PCDHA2: variants seen among roughly 807,000 people sequenced by gnomAD.
The protein encoded by PCDHA2 is protocadherin alpha 2.
PCDHA2 carries 58 observed loss-of-function variants against 66.0 expected under a neutral mutation model. The observed-to-expected ratio is 0.88, with a 90% CI of 0.71 to 1.09. The LOEUF (loss-of-function observed/expected upper bound fraction) is 1.09, where lower values mean the gene tolerates loss of function less well. PCDHA2 is among the 50% of genes least tolerant of loss of function. The pLI, the probability that PCDHA2 is intolerant of heterozygous loss-of-function variation, is 0.00. For missense variants in PCDHA2, 1,267 were observed against 1,242.3 expected (o/e 1.02, Z -0.30); for synonymous variants, 634 against 554.0 (o/e 1.14, Z -2.03).
intron 1 of PCDHA2, among the ~76,000 whole-genome samples, chr5:140,827,478 A>T (rs1477917338): frequency 6.6e-6 from 1 of 152,232 alleles, no homozygotes; most frequent in Non-Finnish European, 1.5e-5. Flanking sequence ...TTATTGAACA[A>T]AGAAAGCATG....
At position 140,877,488 on chromosome 5, in the gene PCDHA2, C is replaced by G. The variant is rs781785108; in HGVS notation, c.2388+80136C>G. ...CGGTGCTGGTGTCGCTGGTGGAGAA[C>G]GGCCAGGCCCCAAAGACGTCGTCGC... On this transcript the variant is annotated intron_variant, in intron 1 of 3. Transcript: ENST00000526136. 6.2e-6 allele frequency: 10 copies of G among 1,613,856 alleles called. No homozygotes were observed. In the South Asian group the frequency reaches 1.1e-4, roughly 18 times the overall value.
intron 1 of PCDHA2, chr5:140,929,048 G>A (rs782818540): frequency 1.9e-5 from 31 of 1,614,088 alleles, no homozygotes; most frequent in Middle Eastern, 1.6e-4. Flanking sequence ...CAGAGCTGCT[G>A]TCGCTCTACA....
At chr5:140,925,072 G>C (rs921580794) in intron 1 of PCDHA2, among the ~76,000 whole-genome samples, 1 of 149,184 alleles carries the variant, frequency 6.7e-6, no homozygotes, top group Non-Finnish European at 1.5e-5. Context: ...AAAGCAACAC[G>C]CTCATCTGGA....
chr5:140,840,441 T>C (rs1163219857), intron 1 of PCDHA2, among the ~76,000 whole-genome samples: 1 of 151,848 alleles, frequency 6.6e-6, no homozygotes, highest in Non-Finnish European at 1.5e-5. Context: ...GCCGTGGAAA[T>C]AGAAACGTTA....
At chr5:140,887,029 T>C (rs1308343052) in intron 1 of PCDHA2, among the ~76,000 whole-genome samples, 1 of 152,140 alleles carries the variant, frequency 6.6e-6, no homozygotes, top group Non-Finnish European at 1.5e-5. Flanking sequence ...AAAAATTTCT[T>C]TAATATTTTT....
chr5:140,883,722 A>G (rs1249317360), intron 1 of PCDHA2: 1 of 1,613,546 alleles, frequency 6.2e-7, no homozygotes, highest in Non-Finnish European at 8.5e-7. Context: ...GCGGACGCAC[A>G]GGAGAACGCG....
At chr5:140,935,144 A>G (rs1289868558) in intron 1 of PCDHA2, among the ~76,000 whole-genome samples, 1 of 152,184 alleles carries the variant, frequency 6.6e-6, no homozygotes, top group Admixed American at 6.5e-5. Context: ...TGATACTTAG[A>G]GATATAATCT....
chr5:140,807,311 G>A, intron 1 of PCDHA2: 1 of 1,614,084 alleles, frequency 6.2e-7, no homozygotes, highest in Non-Finnish European at 8.5e-7. Context: ...GGCCAAACAC[G>A]GCACCTTCGT....
At chr5:140,915,015 G>T (rs1469800021) in intron 1 of PCDHA2, among the ~76,000 whole-genome samples, 3 of 146,766 alleles carry the variant, frequency 2.0e-5, no homozygotes, top group Non-Finnish European at 4.5e-5. Flanking sequence ...GCCTGATCTT[G>T]GCTCACTGCA....
chr5:140,891,235 G>T (rs186707439), intron 1 of PCDHA2, among the ~76,000 whole-genome samples: 48 of 152,092 alleles, frequency 3.2e-4, no homozygotes, highest in African/African-American at 1.1e-3. Flanking sequence ...TCCTGTTCTG[G>T]ATTCAGTAGG....
intron 3 of PCDHA2, among the ~76,000 whole-genome samples, chr5:140,999,739 T>C (rs2097873545): frequency 6.6e-6 from 1 of 152,196 alleles, no homozygotes; most frequent in Admixed American, 6.5e-5. Flanking sequence ...AATGTTTGAA[T>C]CTGGGTTCGC....
At chr5:140,941,095 A>C (rs2092727620) in intron 1 of PCDHA2, among the ~76,000 whole-genome samples, 1 of 152,062 alleles carries the variant, frequency 6.6e-6, no homozygotes, top group South Asian at 2.1e-4. Flanking sequence ...TAGTTTTCAC[A>C]TACTATTACT....
intron 1 of PCDHA2, among the ~76,000 whole-genome samples, chr5:140,942,620 A>T (rs1304224304): frequency 1.4e-4 from 4 of 28,710 alleles, no homozygotes; most frequent in Admixed American, 3.3e-4. Context: ...TGCCAATTGT[A>T]AAAAAAAAAA....
intron 1 of PCDHA2, among the ~76,000 whole-genome samples, chr5:140,898,613 T>A (rs561301118): frequency 6.6e-6 from 1 of 152,346 alleles, no homozygotes; most frequent in South Asian, 2.1e-4. Flanking sequence ...TAGTTTGAAG[T>A]CAGGTAGCAT....
intron 1 of PCDHA2, chr5:140,803,975 G>T: frequency 3.2e-6 from 1 of 309,262 alleles, no homozygotes; most frequent in South Asian, 4.7e-5. Flanking sequence ...CTTTTCATTT[G>T]GACTTCCTAC....
Position 140,921,480 on chromosome 5 carries a change from A to G in PCDHA2, c.2389-57469A>G, listed in dbSNP as rs201609452. On this transcript the variant is annotated intron_variant, in intron 1 of 3. Coordinates refer to ENST00000526136, the MANE Select transcript of PCDHA2 (RefSeq NM_018905.3). ...CCTGCAACCACTACCAAACCACTCT[A>G]CCTGAGATTAGTTTATTAGATAGTG... 4.8e-4 allele frequency among the ~76,000 whole-genome samples: 73 copies of G among 152,306 alleles called. No homozygotes were observed. In the East Asian group the frequency reaches 0.011, roughly 22 times the overall value.
intron 1 of PCDHA2, chr5:140,927,274 G>T: frequency 6.2e-7 from 1 of 1,614,100 alleles, no homozygotes; most frequent in Non-Finnish European, 8.5e-7. Context: ...TCCTGCCGGC[G>T]ACGTGCAGCT....
chr5:140,843,693 T>C, intron 1 of PCDHA2: 1 of 1,585,660 alleles, frequency 6.3e-7, no homozygotes, highest in Non-Finnish European at 8.6e-7. Context: ...GAGCAAGATT[T>C]AAATGTTGAT....
intron 1 of PCDHA2, among the ~76,000 whole-genome samples, chr5:140,945,069 A>G (rs550774069): frequency 6.6e-6 from 1 of 152,278 alleles, no homozygotes; most frequent in East Asian, 1.9e-4. Context: ...TACAGACTCC[A>G]CCAAAACACT....
Sources: allele counts gnomAD v4.1 joint callset (sites outside exome capture counted in the v4.1 genomes callset), GRCh38; gene constraint gnomAD v4.1.1; transcripts MANE v1.5; gene names NCBI Gene and HGNC (gene_info 2026-07-23, HGNC 2026-07-21).